Variants in ZNF93 observed in about 807,000 individuals in gnomAD.
ZNF93 encodes the protein zinc finger protein 93.
A neutral mutation model predicts 45.0 loss-of-function variants in ZNF93; 29 were observed. The ratio of observed to expected loss-of-function variants is 0.64; its 90% confidence interval spans 0.48 to 0.88. ZNF93 has a LOEUF of 0.88. Among genes scored for constraint, ZNF93 ranks in the 40% least tolerant of loss-of-function variants. The pLI is 0.00. For missense variants in ZNF93, 578 were observed against 724.0 expected, an observed-to-expected ratio of 0.80 and a Z score of 2.31; for synonymous variants, 223 against 244.6, an observed-to-expected ratio of 0.91 and a Z score of 0.82.
chr19:19,901,022 T>C lies in ZNF93; in HGVS notation c.-67T>C. The C allele has an allele frequency of 6.2e-7, 1 of 1,602,916 alleles. No homozygotes were observed. On this transcript the variant is annotated 5_prime_UTR_variant, in exon 1 of 4. Transcript: ENST00000343769. ...TGTGCTCCTACAGGCCCAGCCTCTG[T>C]GGCCCTGTGACCTGCAGGTATTGGG...
chr19:19,918,111 C>T (rs1193109332), intron 3 of ZNF93, among the ~76,000 whole-genome samples: 2 of 151,916 alleles, frequency 1.3e-5, no homozygotes, highest in African/African-American at 2.4e-5. Flanking sequence ...TCCCCCCACC[C>T]CACAACAGGC....
At chr19:19,930,467 G>GGGAA (rs1306452508) in intron 3 of ZNF93, among the ~76,000 whole-genome samples, 1 of 151,884 alleles carries the variant, frequency 6.6e-6, no homozygotes, top group Non-Finnish European at 1.5e-5. Context: ...AACTCCCCCA[G>GGGAA]GGAAAGGGAG....
intron 3 of ZNF93, among the ~76,000 whole-genome samples, chr19:19,929,566 A>T (rs1193414722): frequency 6.6e-6 from 1 of 152,196 alleles, no homozygotes; most frequent in Non-Finnish European, 1.5e-5. Context: ...ATTCCTGCTA[A>T]ATCAACTCAC....
Position 19,934,101 on chromosome 19 carries a change from A to C in ZNF93, c.1146A>C (p.Ser382=), listed in dbSNP as rs2063384551. 6 of 1,609,774 alleles carry C rather than the reference A, an allele frequency of 3.7e-6. No homozygotes were observed. In the African/African-American group the frequency reaches 8.0e-5, roughly 22 times the overall value. ...EECGKAFIWS[S]VLTRHKRVHT... ...GTGGCAAAGCCTTCATTTGGTCCTC[A>C]GTCCTAACTAGACATAAGAGAGTTC... is the stretch of plus-strand genomic sequence containing the variant. The change falls in exon 4 of 4, where the codon TCA becomes TCC. Residue 382 remains serine (S), a synonymous_variant. Transcript: ENST00000343769.
rs1439850690 is a variant in ZNF93 at position 19,916,189 on chromosome 19, C to G, written c.131-371C>G. The stretch of plus-strand genomic sequence containing the variant: ...TCAAGCAATTCTCCTGACTCAATCT[C>G]CCGAGTAGCTGGGACTACAGGCATG... On this transcript the variant is annotated intron_variant, in intron 2 of 3. Coordinates refer to ENST00000343769, the MANE Select transcript of ZNF93 (RefSeq NM_031218.4). Among the ~76,000 whole-genome samples the G allele has an allele frequency of 4.0e-5, 6 of 151,852 alleles. No individual in the cohort carries two copies. In the East Asian group the frequency reaches 1.2e-3, roughly 30 times the overall value.
At chr19:19,908,871 C>G (rs1257638090) in intron 1 of ZNF93, 1 of 100,580 alleles carries the variant, frequency 9.9e-6, no homozygotes, top group South Asian at 3.7e-4. Context: ...AAAAAAAAAT[C>G]TTGCTCAGAT....
At chr19:19,905,934 A>G (rs1013907619) in intron 1 of ZNF93, among the ~76,000 whole-genome samples, 1 of 152,186 alleles carries the variant, frequency 6.6e-6, no homozygotes, top group African/African-American at 2.4e-5. Flanking sequence ...ATAGGCATTT[A>G]TGGCCTGTCC....
intron 3 of ZNF93, among the ~76,000 whole-genome samples, chr19:19,919,193 C>T (rs2063334740): frequency 6.6e-6 from 1 of 152,146 alleles, no homozygotes; most frequent in Admixed American, 6.5e-5. Context: ...TTCCCAACAC[C>T]ATTTGTTAAA....
intron 2 of ZNF93, among the ~76,000 whole-genome samples, chr19:19,915,836 CT>C (rs2063322162): frequency 6.6e-6 from 1 of 151,972 alleles, no homozygotes; most frequent in African/African-American, 2.4e-5. Flanking sequence ...AGCAAGATTA[CT>C]TCTCGAGAAA....
chr19:19,911,912 G>T (rs1335695525), intron 1 of ZNF93, among the ~76,000 whole-genome samples: 2 of 151,904 alleles, frequency 1.3e-5, no homozygotes, highest in African/African-American at 4.8e-5. Flanking sequence ...ACTGCACCTA[G>T]CTAATTTTTG....
At chr19:19,926,790 A>G (rs1460848263) in intron 3 of ZNF93, among the ~76,000 whole-genome samples, 1 of 152,142 alleles carries the variant, frequency 6.6e-6, no homozygotes, top group Non-Finnish European at 1.5e-5. Flanking sequence ...ATGCATGTCT[A>G]TCAATCAGAT....
chr19:19,903,885 A>C (rs1016608196), intron 1 of ZNF93, among the ~76,000 whole-genome samples: 1 of 152,052 alleles, frequency 6.6e-6, no homozygotes, highest in African/African-American at 2.4e-5. Context: ...AGCCTGGCCA[A>C]CGTGGTGGAA....
chr19:19,906,438 C>G (rs1389908741), intron 1 of ZNF93, among the ~76,000 whole-genome samples: 2 of 152,028 alleles, frequency 1.3e-5, no homozygotes, highest in Non-Finnish European at 2.9e-5. Flanking sequence ...GATATTAGAC[C>G]TTTGTCAGAG....
At chr19:19,927,048 A>G (rs1265030450) in intron 3 of ZNF93, 1 of 398,128 alleles carries the variant, frequency 2.5e-6, no homozygotes. Flanking sequence ...CTTTAAAAAC[A>G]TTGTTTTAAA....
chr19:19,919,672 C>A (rs1014506426), intron 3 of ZNF93, among the ~76,000 whole-genome samples: 2 of 152,098 alleles, frequency 1.3e-5, no homozygotes, highest in African/African-American at 2.4e-5. Flanking sequence ...CCTTCACATC[C>A]CTTTTAAGTT....
At chr19:19,918,401 G>T (rs1185955755) in intron 3 of ZNF93, among the ~76,000 whole-genome samples, 1 of 152,022 alleles carries the variant, frequency 6.6e-6, no homozygotes, top group Non-Finnish European at 1.5e-5. Flanking sequence ...GAATAGTGCT[G>T]CAATAAACAT....
intron 3 of ZNF93, among the ~76,000 whole-genome samples, chr19:19,919,905 A>G (rs929122526): frequency 5.9e-5 from 9 of 152,188 alleles, no homozygotes; most frequent in Non-Finnish European, 1.0e-4. Context: ...AACAGTGACA[A>G]TTTGACTTCC....
intron 1 of ZNF93, 45 bp downstream of exon 1, chr19:19,901,136 T>C (rs765612334): frequency 2.5e-6 from 4 of 1,612,648 alleles, no homozygotes; most frequent in Non-Finnish European, 1.7e-6. Context: ...GAGGGGCTGG[T>C]TGGAACCGGT....
chr19:19,904,119 T>TG (rs1156438707), intron 1 of ZNF93, among the ~76,000 whole-genome samples: 1 of 151,304 alleles, frequency 6.6e-6, no homozygotes, highest in African/African-American at 2.4e-5. Context: ...ACAGCTGATT[T>TG]TTTTTTTTTT....
Sources: gnomAD v4.1 joint callset for allele counts (sites outside exome capture counted in the v4.1 genomes callset) on GRCh38, gnomAD v4.1.1 for gene constraint, MANE v1.5 for transcripts, NCBI Gene and HGNC (gene_info 2026-07-23, HGNC 2026-07-21) for gene names.